NINL: variants seen among roughly 807,000 people sequenced by gnomAD.
The protein encoded by NINL is ninein like.
In NINL, 153 loss-of-function variants were observed where a neutral mutation model predicts 160.3. That is an observed-to-expected ratio of 0.95 (90% confidence interval 0.84 to 1.09). The LOEUF (loss-of-function observed/expected upper bound fraction) is 1.09, where lower values mean the gene tolerates loss of function less well. Ranked by LOEUF, NINL falls within the 50% of genes least tolerant of loss-of-function variation. NINL has a pLI of 0.00. For missense variants in NINL, 1,829 were observed against 1,764.0 expected (o/e 1.04, Z -0.66); for synonymous variants, 800 against 734.8 (o/e 1.09, Z -1.43).
intron 16 of NINL, among the ~76,000 whole-genome samples, chr20:25,477,392 G>C (rs1393706065): frequency 6.6e-6 from 1 of 152,194 alleles, no homozygotes; most frequent in Non-Finnish European, 1.5e-5. Flanking sequence ...GCAGCCCCTC[G>C]GCCGTGCAGG....
At position 25,513,988 on chromosome 20, in the gene NINL, T is replaced by C. The variant is rs1071919; in HGVS notation, c.278-982A>G. Among the ~76,000 whole-genome samples the C allele has an allele frequency of 3.3e-5, 5 of 152,288 alleles. 1 individual carries two copies. The highest frequency in any genetic ancestry group is 2.4e-5 in the African/African-American group (1 of 41,568). On this transcript the variant is annotated intron_variant, in intron 3 of 23. Coordinates refer to ENST00000278886, the MANE Select transcript of NINL (RefSeq NM_025176.6). The stretch of plus-strand genomic sequence containing the variant: ...GAAAATTGGCACCAGGAGTGGAGCA[T>C]TGCTACAAAGATACATGAAAATGTG...
chr20:25,539,943 C>CG (rs1568954023), intron 1 of NINL: 1 of 966,194 alleles, frequency 1.0e-6, no homozygotes, highest in Non-Finnish European at 1.4e-6. Context: ...TGCGGGTTCC[C>CG]GGGGGCTCCC....
At chr20:25,519,726 C>A (rs1193334106) in intron 2 of NINL, among the ~76,000 whole-genome samples, 2 of 151,910 alleles carry the variant, frequency 1.3e-5, no homozygotes, top group Non-Finnish European at 2.9e-5. Context: ...AGTAAAGAAG[C>A]CAGAGAATGG....
chr20:25,547,842 A>C (rs1281689159), intron 1 of NINL, among the ~76,000 whole-genome samples: 4 of 152,250 alleles, frequency 2.6e-5, no homozygotes, highest in Non-Finnish European at 2.9e-5. Flanking sequence ...AGCAGGCTTC[A>C]TACACGCTGA....
intron 1 of NINL, among the ~76,000 whole-genome samples, chr20:25,542,697 TAAAAAAAAAAAAAAAAAAAA>T (rs71185304): frequency 2.9e-4 from 15 of 51,394 alleles, no homozygotes; most frequent in African/African-American, 1.1e-3. Context: ...TTGCTTTCAC[TAAAAAAAAAAAAAAAAAAAA>T]AAAAAAAAAA....
At position 25,576,115 on chromosome 20, in the gene NINL, T is replaced by G. The variant is rs139721440; in HGVS notation, c.-12+9340A>C. On this transcript the variant is annotated intron_variant, in intron 1 of 23. Transcript: ENST00000278886. ...CAACAATGTCCTTTACAGCTATCTT[T>G]TTCACCCCAGTCCAGTTTCCAATTC... is the stretch of plus-strand genomic sequence containing the variant. 2.7e-3 allele frequency among the ~76,000 whole-genome samples: 416 copies of G among 152,344 alleles called. 2 individuals carry two copies. Among genetic ancestry groups the G allele is most frequent in the Middle Eastern group, 6.8e-3 (2 of 294 alleles).
intron 1 of NINL, among the ~76,000 whole-genome samples, chr20:25,567,835 T>C (rs773042592): frequency 2.6e-5 from 4 of 151,928 alleles, no homozygotes; most frequent in Non-Finnish European, 5.9e-5. Flanking sequence ...TTCTCAATAA[T>C]CCACTGGTCA....
rs144098143 is a variant in NINL, at chr20:25,476,048, G to T, written c.3243C>A (p.Asn1081Lys). The T allele has an allele frequency of 2.5e-6, 4 of 1,612,758 alleles. No homozygotes were observed. Among genetic ancestry groups the T allele is most frequent in the Non-Finnish European group, 2.5e-6 (3 of 1,179,372 alleles). ...AGAATGAGTAGAAGGCAAACCTGTC[G>T]TTCTCTCTCAAATCTACATGTTTCT... ...ALEKHVDLRE[N>K]DRLEFHRLSE... Residue 1081 changes from asparagine to lysine, a missense_variant, in exon 17 of 24, where the codon AAC becomes AAA. Physicochemically the swap from Asn to Lys is moderately conservative, Grantham distance 94. Transcript: ENST00000278886.
intron 23 of NINL, 130 bp from the exon 24 acceptor site, chr20:25,453,772 C>T (rs910228066): frequency 2.6e-6 from 2 of 782,226 alleles, no homozygotes; most frequent in Admixed American, 3.2e-5. Flanking sequence ...GACCCAAGGC[C>T]GGGGGCAGTG....
chr20:25,529,654 C>T (rs541067005), intron 1 of NINL, among the ~76,000 whole-genome samples: 260 of 152,222 alleles, frequency 1.7e-3, no homozygotes, highest in Admixed American at 4.7e-3. Context: ...GCCTGGGCAA[C>T]ATGGTGAGAC....
intron 4 of NINL, among the ~76,000 whole-genome samples, chr20:25,512,074 C>T (rs2064080518): frequency 6.6e-6 from 1 of 152,202 alleles, no homozygotes; most frequent in South Asian, 2.1e-4. Context: ...ACTCTGGCAG[C>T]CATCTCCTGG....
intron 5 of NINL, among the ~76,000 whole-genome samples, chr20:25,505,334 GT>G (rs1156357407): frequency 8.0e-6 from 1 of 124,988 alleles, no homozygotes; most frequent in Non-Finnish European, 1.8e-5. Flanking sequence ...GGAGATGCTG[GT>G]TGGGGGGGGG....
In NINL at chr20:25,452,714, G is replaced by C. The variant is rs762656522; in HGVS notation, c.*737C>G. 4.6e-5 allele frequency: 7 copies of C among 151,948 alleles called. No individual in the cohort carries two copies. The highest frequency in any genetic ancestry group is 7.4e-5 in the Non-Finnish European group (5 of 67,952). The allele number at this position is 151,948 out of a possible 1,614,324, so 9.4% of individuals were successfully genotyped here. A position where few individuals can be genotyped will look rare whatever the true frequency, so the allele number is the denominator to read the frequency against. On this transcript the variant is annotated 3_prime_UTR_variant, in exon 24 of 24. Coordinates refer to ENST00000278886, the MANE Select transcript of NINL (RefSeq NM_025176.6). ...CTTAGAAGTCAATTTTAATAGAAAA[G>C]AATTTATTGCAAATACAGTGACTTT...
chr20:25,580,483 C>T (rs2065162231), intron 1 of NINL, among the ~76,000 whole-genome samples: 1 of 152,118 alleles, frequency 6.6e-6, no homozygotes, highest in Non-Finnish European at 1.5e-5. Flanking sequence ...CAAATGACTT[C>T]GACTCCAGGG....
chr20:25,578,137 A>C (rs1374060561), intron 1 of NINL, among the ~76,000 whole-genome samples: 37 of 146,176 alleles, frequency 2.5e-4, no homozygotes, highest in African/African-American at 9.5e-4. Flanking sequence ...TTTAGACGGA[A>C]TCTCACTCTG....
At chr20:25,519,054 G>A (rs548059025) in intron 2 of NINL, among the ~76,000 whole-genome samples, 136 of 138,772 alleles carry the variant, frequency 9.8e-4, no homozygotes, top group African/African-American at 3.3e-3. Context: ...CCGAGATAGC[G>A]CCATTGCACT....
At chr20:25,482,386 T>C (rs573729092) in intron 13 of NINL, among the ~76,000 whole-genome samples, 14 of 152,368 alleles carry the variant, frequency 9.2e-5, no homozygotes, top group Admixed American at 2.6e-4. Context: ...TTGCCCAGGC[T>C]GGAGTGCACT....
At chr20:25,504,706 G>C (rs764289026) in intron 6 of NINL, among the ~76,000 whole-genome samples, 182 bp downstream of exon 6, 2 of 152,368 alleles carry the variant, frequency 1.3e-5, no homozygotes, top group South Asian at 4.1e-4. Context: ...TCAGAGACGG[G>C]CTTTCAAAGG....
intron 16 of NINL, among the ~76,000 whole-genome samples, chr20:25,477,293 C>T (rs984771857): frequency 3.3e-5 from 5 of 152,230 alleles, no homozygotes; most frequent in African/African-American, 9.6e-5. Context: ...CCCCACGGAG[C>T]GAGGTTCTGC....
Sources: gnomAD v4.1 joint callset for allele counts (sites outside exome capture counted in the v4.1 genomes callset) on GRCh38, gnomAD v4.1.1 for gene constraint, MANE v1.5 for transcripts, NCBI Gene and HGNC (gene_info 2026-07-23, HGNC 2026-07-21) for gene names.